Variants in KIAA1958 observed in about 807,000 individuals in gnomAD.
KIAA1958 encodes KIAA1958, also known as uncharacterized protein KIAA1958.
In KIAA1958, 14 loss-of-function variants were observed where a neutral mutation model predicts 47.2. That is an observed-to-expected ratio of 0.30 (90% CI 0.20 to 0.46). The LOEUF (loss-of-function observed/expected upper bound fraction) is 0.46, where lower values mean the gene tolerates loss of function less well. Among genes scored for constraint, KIAA1958 ranks in the 20% least tolerant of loss-of-function variants. The pLI is 1.00. For synonymous variants in KIAA1958, 354 were observed against 353.3 expected, an observed-to-expected ratio of 1.00 and a Z score of -0.02; for missense variants, 803 against 909.2, an observed-to-expected ratio of 0.88 and a Z score of 1.50.
intron 1 of KIAA1958, among the ~76,000 whole-genome samples, chr9:112,554,570 A>G (rs1414503971): frequency 6.6e-6 from 1 of 152,192 alleles, no homozygotes; most frequent in Non-Finnish European, 1.5e-5. Flanking sequence ...GTTAATTATA[A>G]TATATCCATC....
intron 2 of KIAA1958, among the ~76,000 whole-genome samples, chr9:112,624,610 A>T (rs1836572824): frequency 6.6e-6 from 1 of 152,222 alleles, no homozygotes; most frequent in African/African-American, 2.4e-5. Flanking sequence ...GAAGACATTT[A>T]AAATTCCTCA....
chr9:112,569,158 C>T (rs1466410722), intron 1 of KIAA1958, among the ~76,000 whole-genome samples: 1 of 152,006 alleles, frequency 6.6e-6, no homozygotes, highest in African/African-American at 2.4e-5. Flanking sequence ...ATATGTGGTA[C>T]TGTTCTTTTT....
intron 2 of KIAA1958, among the ~76,000 whole-genome samples, chr9:112,615,110 G>A (rs137862918): frequency 2.1e-4 from 32 of 152,236 alleles, no homozygotes; most frequent in Admixed American, 3.9e-4. Flanking sequence ...AAAAGGAGTA[G>A]TGAATATTTT....
chr9:112,588,570 A>G (rs1057272351), intron 2 of KIAA1958, among the ~76,000 whole-genome samples: 6 of 152,236 alleles, frequency 3.9e-5, no homozygotes, highest in Non-Finnish European at 7.3e-5. Context: ...CACAATTACT[A>G]AAATGTGCAG....
intron 1 of KIAA1958, among the ~76,000 whole-genome samples, chr9:112,521,028 GTTTC>G (rs1361704447): frequency 6.6e-6 from 1 of 151,008 alleles, no homozygotes; most frequent in Non-Finnish European, 1.5e-5. Context: ...TTTTCTTCTT[GTTTC>G]TTTTGTCGTG....
intron 2 of KIAA1958, among the ~76,000 whole-genome samples, chr9:112,577,803 A>G (rs1453663790): frequency 4.6e-5 from 7 of 151,522 alleles, no homozygotes; most frequent in African/African-American, 1.7e-4. Flanking sequence ...TCCATTTATT[A>G]TTGTGTGTAT....
chr9:112,567,193 C>T (rs1271847164), intron 1 of KIAA1958, among the ~76,000 whole-genome samples: 1 of 152,110 alleles, frequency 6.6e-6, no homozygotes, highest in East Asian at 1.9e-4. Flanking sequence ...CTATATATAA[C>T]AACTCCCCAG....
chr9:112,641,291 C>CAA (rs1416342673), intron 2 of KIAA1958, among the ~76,000 whole-genome samples: 1 of 147,994 alleles, frequency 6.8e-6, no homozygotes. Flanking sequence ...TCTTCATTTA[C>CAA]AGTCTTTTTC....
intron 1 of KIAA1958, among the ~76,000 whole-genome samples, chr9:112,512,386 A>G (rs55912580): frequency 0.055 from 8,319 of 152,296 alleles, 334 homozygotes; most frequent in Non-Finnish European, 0.077. Flanking sequence ...CAGGCTAAAA[A>G]AGAAAACCAT....
chr9:112,487,714 GC>G (rs531458209), intron 1 of KIAA1958, among the ~76,000 whole-genome samples: 3 of 151,920 alleles, frequency 2.0e-5, no homozygotes, highest in Admixed American at 6.5e-5. Flanking sequence ...AGGCTCTTCC[GC>G]CCCCCCACCC....
intron 2 of KIAA1958, among the ~76,000 whole-genome samples, chr9:112,642,359 C>A (rs746276832): frequency 1.3e-5 from 2 of 152,352 alleles, no homozygotes; most frequent in South Asian, 4.1e-4. Context: ...GAGATGGCAG[C>A]GTTCAGGGAT....
At chr9:112,620,122 G>A (rs1836477776) in intron 2 of KIAA1958, among the ~76,000 whole-genome samples, 2 of 152,084 alleles carry the variant, frequency 1.3e-5, no homozygotes, top group South Asian at 4.1e-4. Context: ...AATAATTTTG[G>A]TTAAACATTT....
intron 2 of KIAA1958, among the ~76,000 whole-genome samples, chr9:112,592,884 G>A (rs188788787): frequency 1.3e-5 from 2 of 152,294 alleles, no homozygotes; most frequent in Admixed American, 1.3e-4. Flanking sequence ...ATGTCTATAT[G>A]TACTGAATGG....
At chr9:112,650,545 T>G (rs986398078) in intron 3 of KIAA1958, among the ~76,000 whole-genome samples, 1 of 151,104 alleles carries the variant, frequency 6.6e-6, no homozygotes, top group Non-Finnish European at 1.5e-5. Context: ...AGAGCAAGAC[T>G]GAAATATAAA....
chr9:112,631,752 A>G (rs1836714331), intron 2 of KIAA1958, among the ~76,000 whole-genome samples: 1 of 152,118 alleles, frequency 6.6e-6, no homozygotes, highest in Non-Finnish European at 1.5e-5. Context: ...ACAAAAATAT[A>G]CTTCAAAAAC....
At chr9:112,589,485 G>A (rs1386322161) in intron 2 of KIAA1958, among the ~76,000 whole-genome samples, 3 of 152,134 alleles carry the variant, frequency 2.0e-5, no homozygotes, top group Admixed American at 6.5e-5. Flanking sequence ...CCAGCTACTC[G>A]GGAGGCTGAG....
chr9:112,507,822 G>A (rs1834257089), intron 1 of KIAA1958, among the ~76,000 whole-genome samples: 1 of 150,696 alleles, frequency 6.6e-6, no homozygotes. Context: ...TTTGAGAGAT[G>A]AGGTTTCACT....
At chr9:112,626,796 A>C (rs987014609) in intron 2 of KIAA1958, among the ~76,000 whole-genome samples, 1 of 151,118 alleles carries the variant, frequency 6.6e-6, no homozygotes, top group African/African-American at 2.4e-5. Context: ...ATAATGAAAT[A>C]ACTTTTGTTT....
At chr9:112,525,918 T>TTTCTTCTTCTTCTTCTTCTTC (rs758525184) in intron 1 of KIAA1958, among the ~76,000 whole-genome samples, 3 of 96,446 alleles carry the variant, frequency 3.1e-5, no homozygotes, top group African/African-American at 7.8e-5. Context: ...ATTTATATTC[T>TTTCTTCTTCTTCTTCTTCTTC]TTCTTCTTCT....
Sources: gnomAD v4.1 joint callset for allele counts (sites outside exome capture counted in the v4.1 genomes callset) on GRCh38, gnomAD v4.1.1 for gene constraint, MANE v1.5 for transcripts, NCBI Gene and HGNC (gene_info 2026-07-23, HGNC 2026-07-21) for gene names.